Variants in INTS8 observed in about 807,000 individuals in gnomAD.
INTS8 encodes protein kaonashi-1.
A neutral mutation model predicts 138.9 loss-of-function variants in INTS8; 47 were observed. The observed-to-expected ratio is 0.34, with a 90% confidence interval of 0.27 to 0.43. The LOEUF is 0.43. Among genes scored for constraint, INTS8 ranks in the 20% least tolerant of loss-of-function variants. The pLI is 1.00. For missense variants in INTS8, 996 were observed against 1,173.0 expected, an observed-to-expected ratio of 0.85 and a Z score of 2.20; for synonymous variants, 392 against 400.9, an observed-to-expected ratio of 0.98 and a Z score of 0.27.
At chr8:94,836,489 A>C in intron 6 of INTS8, 35 bp from the exon 7 acceptor site, 3 of 1,534,868 alleles carry the variant, frequency 2.0e-6, no homozygotes, top group Non-Finnish European at 2.7e-6. Context: ...TACCTGAGAA[A>C]TTGTTAAGCA....
chr8:94,858,740 A>T (rs1390043441), intron 15 of INTS8, among the ~76,000 whole-genome samples: 1 of 152,168 alleles, frequency 6.6e-6, no homozygotes, highest in African/African-American at 2.4e-5. Context: ...CTATGACTGT[A>T]CTCCAGCCCA....
intron 8 of INTS8, among the ~76,000 whole-genome samples, chr8:94,840,256 C>T (rs1815084311): frequency 6.6e-6 from 1 of 152,222 alleles, no homozygotes; most frequent in African/African-American, 2.4e-5. Flanking sequence ...CTGTGGAGCC[C>T]TGCCTTGCTC....
At chr8:94,866,892 G>A (rs757042893) in intron 18 of INTS8, 13 of 404,240 alleles carry the variant, frequency 3.2e-5, no homozygotes, top group African/African-American at 4.1e-5. Flanking sequence ...GGAGTTGAGC[G>A]TGGAGATAGC....
At position 94,849,541 on chromosome 8, in the gene INTS8, C is replaced by G. The variant is rs1287176051; in HGVS notation, c.1331+9C>G. 1.0e-5 allele frequency: 15 copies of G among 1,462,318 alleles called. No homozygotes were observed. Among genetic ancestry groups the G allele is most frequent in the Non-Finnish European group, 1.3e-5 (14 of 1,071,944 alleles). The allele number at this position is 1,462,318 out of a possible 1,614,324, so 90.6% of individuals were successfully genotyped here. A position where few individuals can be genotyped will look rare whatever the true frequency, so the allele number is the denominator to read the frequency against. The stretch of plus-strand genomic sequence containing the variant: ...ATGGCTGCTTTTCTAAAGTAAGTAC[C>G]TTTCTTTTCTTTTTTCTTTTTTTTT... On this transcript the variant is annotated intron_variant, in intron 11 of 26. Transcript: ENST00000523731.
At chr8:94,868,948 A>G (rs1816283197) in intron 20 of INTS8, 1 of 146,792 alleles carries the variant, frequency 6.8e-6, no homozygotes, top group Admixed American at 6.8e-5. Flanking sequence ...CTGGAATTAT[A>G]GGCGTGAGCC....
Position 94,880,838 on chromosome 8 carries a change from T to C in INTS8, c.*604T>C, listed in dbSNP as rs1337205824. 1 of 398,440 alleles carries C rather than the reference T, an allele frequency of 2.5e-6. No homozygotes were observed. The highest frequency in any genetic ancestry group is 3.6e-5 in the East Asian group (1 of 28,002). The allele number at this position is 398,440 out of a possible 1,614,324, so 24.7% of individuals were successfully genotyped here. On this transcript the variant is annotated 3_prime_UTR_variant, in exon 27 of 27. Transcript: ENST00000523731. Reference sequence around the variant, plus strand: ...TCATATAAATAGTTTGAAAGGGTACTTAAGTTTTTCACCCAAATTGTGATA... The same window carrying C: ...TCATATAAATAGTTTGAAAGGGTACCTAAGTTTTTCACCCAAATTGTGATA...
chr8:94,826,644 A>G (rs865975574), intron 2 of INTS8, among the ~76,000 whole-genome samples: 4 of 152,148 alleles, frequency 2.6e-5, no homozygotes, highest in African/African-American at 9.7e-5. Context: ...TTTTTGAAAT[A>G]TATTCTGAAA....
At chr8:94,835,586 T>G (rs371796101) in intron 6 of INTS8, among the ~76,000 whole-genome samples, 1 of 151,366 alleles carries the variant, frequency 6.6e-6, no homozygotes, top group Non-Finnish European at 1.5e-5. Flanking sequence ...TTCAGACTTG[T>G]AGGAGGCAGA....
chr8:94,837,571 T>C (rs1814970470), intron 7 of INTS8, among the ~76,000 whole-genome samples: 1 of 152,150 alleles, frequency 6.6e-6, no homozygotes, highest in Admixed American at 6.5e-5. Flanking sequence ...TTTTTTTTAA[T>C]CCTGTTTGGG....
At chr8:94,855,835 CAG>C (rs1156481594) in intron 14 of INTS8, among the ~76,000 whole-genome samples, 2 of 152,186 alleles carry the variant, frequency 1.3e-5, no homozygotes, top group Non-Finnish European at 2.9e-5. Flanking sequence ...GTTCGAGAGT[CAG>C]AGAACAAGTG....
In INTS8 at chr8:94,845,555, C is replaced by T. The variant is rs989643832; in HGVS notation, c.1260+3067C>T. Among the ~76,000 whole-genome samples the T allele has an allele frequency of 3.9e-5, 6 of 152,134 alleles. No individual in the cohort carries two copies. In the East Asian group the frequency reaches 7.7e-4, roughly 20 times the overall value. On this transcript the variant is annotated intron_variant, in intron 10 of 26. Transcript: ENST00000523731. The stretch of plus-strand genomic sequence containing the variant: ...TTGGCTCACTGCAACCTCCGCCTCC[C>T]GCGTTCAAGTGACTCTTCTGTGTCA...
At chr8:94,873,290 T>C (rs574431497) in intron 21 of INTS8, 84 bp from the exon 22 acceptor site, 41 of 899,484 alleles carry the variant, frequency 4.6e-5, no homozygotes, top group Middle Eastern at 2.8e-4. Flanking sequence ...TGTTAACTTA[T>C]GAAGTTACAC....
intron 22 of INTS8, 97 bp from the exon 23 acceptor site, chr8:94,874,455 C>CA: frequency 1.4e-6 from 1 of 728,926 alleles, no homozygotes; most frequent in Non-Finnish European, 2.5e-6. Flanking sequence ...TTCCTCCACA[C>CA]ACAGCTTCCT....
chr8:94,845,549 G>A (rs1218159150), intron 10 of INTS8, among the ~76,000 whole-genome samples: 2 of 152,054 alleles, frequency 1.3e-5, no homozygotes, highest in African/African-American at 4.8e-5. Flanking sequence ...TGCAACCTCC[G>A]CCTCCCGCGT....
intron 10 of INTS8, among the ~76,000 whole-genome samples, chr8:94,846,512 G>A (rs887302405): frequency 1.4e-4 from 21 of 152,058 alleles, no homozygotes; most frequent in African/African-American, 2.4e-4. Context: ...GACCTCAGGC[G>A]ATCCACCCGC....
At chr8:94,850,448 TAAAAATAC>T (rs1289184841) in intron 12 of INTS8, among the ~76,000 whole-genome samples, 1 of 151,906 alleles carries the variant, frequency 6.6e-6, no homozygotes, top group Non-Finnish European at 1.5e-5. Context: ...CCGCCTCTAC[TAAAAATAC>T]AAAAAATTAG....
Position 94,876,158 on chromosome 8 carries a change from T to G in INTS8, c.2762+11T>G. 6.2e-7 allele frequency: 1 copy of G among 1,606,752 alleles called. No individual in the cohort carries two copies. Among genetic ancestry groups the G allele is most frequent in the Middle Eastern group, 1.7e-4 (1 of 6,032 alleles). ...GCAAGAACAAAACAGGTATGAATAA[T>G]ATTTTAAAAATAATGAGGTCAACAT... On this transcript the variant is annotated intron_variant, in intron 24 of 26. Transcript: ENST00000523731.
chr8:94,838,545 C>T lies in INTS8; in HGVS notation c.944C>T (p.Ser315Phe), dbSNP rs1007270215. ...YCQACDVLVP[S>F]SDSTSQQLTP... ...CAAGCATGTGATGTTCTTGTACCTT[C>T]TTCTGATAGTACATCTCAACAGTTG... The change falls in exon 8 of 27, where the codon TCT becomes TTT. Residue 315 changes from serine (S) to phenylalanine (F), a missense_variant. Coordinates refer to ENST00000523731, the MANE Select transcript of INTS8 (RefSeq NM_017864.4). The T allele has an allele frequency of 7.4e-6, 12 of 1,612,682 alleles. No homozygotes were observed. The highest frequency in any genetic ancestry group is 4.0e-5 in the African/African-American group (3 of 74,910).
At position 94,849,952 on chromosome 8, in the gene INTS8, T is replaced by C; in HGVS notation, c.1368T>C (p.Val456=). The C allele has an allele frequency of 6.2e-7, 1 of 1,613,108 alleles. No individual in the cohort carries two copies. The change falls in exon 12 of 27, where the codon GTT becomes GTC. Residue 456 remains valine (V), a synonymous_variant. Transcript: ENST00000523731. Reference sequence around the variant, plus strand: ...TGGGGTTGGAAGATCTGCAGTATGTTTTCATGATTTCTTCACATGAGCTTT... The same window carrying C: ...TGGGGTTGGAAGATCTGCAGTATGTCTTCATGATTTCTTCACATGAGCTTT... The part of the protein sequence containing the change: ...VCLGLEDLQY[V]FMISSHELFI...
Sources: gnomAD v4.1 joint callset for allele counts (sites outside exome capture counted in the v4.1 genomes callset) on GRCh38, gnomAD v4.1.1 for gene constraint, MANE v1.5 for transcripts, NCBI Gene and HGNC (gene_info 2026-07-23, HGNC 2026-07-21) for gene names.